The following FAM107B variants were observed in gnomAD, a reference collection of about 807,000 sequenced individuals.
The protein encoded by FAM107B is family with sequence similarity 107 member B.
In FAM107B, 21 loss-of-function variants were observed where a neutral mutation model predicts 31.5. The ratio of observed to expected loss-of-function variants is 0.67; its 90% CI spans 0.47 to 0.96. FAM107B has a LOEUF of 0.96. FAM107B is among the 40% of genes least tolerant of loss of function. The probability of loss-of-function intolerance (pLI) is 0.00; values close to 1 mark genes in which losing one functional copy is unlikely to be tolerated. For synonymous variants in FAM107B, 157 were observed against 141.5 expected (o/e 1.11, Z -0.78); for missense variants, 452 against 377.1 (o/e 1.20, Z -1.64).
At chr10:14,592,138 C>A (rs1201795780) in intron 2 of FAM107B, among the ~76,000 whole-genome samples, 1 of 152,182 alleles carries the variant, frequency 6.6e-6, no homozygotes. Context: ...CCCGTGCCAT[C>A]TGATTTCCCA....
At chr10:14,567,003 A>G (rs895004152) in intron 2 of FAM107B, among the ~76,000 whole-genome samples, 9 of 152,152 alleles carry the variant, frequency 5.9e-5, no homozygotes, top group Non-Finnish European at 1.3e-4. Context: ...ATACAAAAAA[A>G]TTAGCCAGGC....
rs528986532 is a variant in FAM107B, at chr10:14,756,391, A to C, written c.411+17862T>G. Among the ~76,000 whole-genome samples, 10 of 152,348 alleles carry C rather than the reference A, an allele frequency of 6.6e-5. 1 individual carries two copies. The highest frequency in any genetic ancestry group is 1.3e-4 in the Admixed American group (2 of 15,306). Reference sequence around the variant, plus strand: ...AAAGTATTTTGTAGATATGGTTAACATCTACAATCAGCTGACTTTAAATAA... The same window carrying C: ...AAAGTATTTTGTAGATATGGTTAACCTCTACAATCAGCTGACTTTAAATAA... On this transcript the variant is annotated intron_variant, in intron 1 of 4. Coordinates refer to ENST00000181796, the MANE Select transcript of FAM107B (RefSeq NM_031453.4).
intron 3 of FAM107B, among the ~76,000 whole-genome samples, chr10:14,529,359 A>C (rs1201382373): frequency 6.6e-6 from 1 of 152,184 alleles, no homozygotes; most frequent in East Asian, 1.9e-4. Context: ...CTCTAGAGGG[A>C]GAAACGTATT....
chr10:14,646,787 T>TC (rs938787026), intron 2 of FAM107B, among the ~76,000 whole-genome samples: 1 of 102,416 alleles, frequency 9.8e-6, no homozygotes, highest in Admixed American at 1.2e-4. Context: ...TTCCATTTTC[T>TC]CCTTTTTTTT....
intron 2 of FAM107B, among the ~76,000 whole-genome samples, chr10:14,660,685 C>T (rs921235693): frequency 1.3e-5 from 2 of 152,148 alleles, no homozygotes; most frequent in African/African-American, 4.8e-5. Flanking sequence ...TTGTATATTG[C>T]ATGTGGTATA....
chr10:14,675,020 C>T (rs184946190), intron 1 of FAM107B, among the ~76,000 whole-genome samples: 38 of 152,302 alleles, frequency 2.5e-4, no homozygotes, highest in African/African-American at 8.4e-4. Context: ...CTTCTCTGCA[C>T]TGATTTAAGC....
chr10:14,572,071 T>A (rs1438198278), intron 2 of FAM107B: 1 of 985,290 alleles, frequency 1.0e-6, no homozygotes, highest in Non-Finnish European at 1.2e-6. Context: ...AGAACTCTCT[T>A]TCTGGATATC....
chr10:14,746,231 G>A (rs1229448371), intron 1 of FAM107B, among the ~76,000 whole-genome samples: 1 of 152,060 alleles, frequency 6.6e-6, no homozygotes, highest in Non-Finnish European at 1.5e-5. Flanking sequence ...CACACCAATG[G>A]GTTTTGACTC....
At chr10:14,536,693 A>G (rs1847645541) in intron 2 of FAM107B, among the ~76,000 whole-genome samples, 1 of 152,170 alleles carries the variant, frequency 6.6e-6, no homozygotes, top group South Asian at 2.1e-4. Context: ...TGTGGCCACC[A>G]ACCTGGTGCA....
intron 2 of FAM107B, chr10:14,652,786 C>T (rs547449354): frequency 1.2e-4 from 19 of 152,076 alleles, no homozygotes; most frequent in Non-Finnish European, 1.8e-4. Context: ...AATCAAATAC[C>T]GCAGCTGGAC....
intron 2 of FAM107B, among the ~76,000 whole-genome samples, chr10:14,598,107 T>C (rs1257820786): frequency 6.6e-6 from 1 of 152,230 alleles, no homozygotes; most frequent in Non-Finnish European, 1.5e-5. Context: ...TGCCAACATT[T>C]TTCCCCATTC....
intron 1 of FAM107B, among the ~76,000 whole-genome samples, chr10:14,769,403 T>C (rs944727993): frequency 2.6e-5 from 4 of 152,120 alleles, no homozygotes; most frequent in Non-Finnish European, 5.9e-5. Flanking sequence ...TTTCTTTTTT[T>C]AGACGGAGTC....
At chr10:14,545,773 T>C (rs1848637986) in intron 2 of FAM107B, among the ~76,000 whole-genome samples, 1 of 152,252 alleles carries the variant, frequency 6.6e-6, no homozygotes, top group African/African-American at 2.4e-5. Context: ...TAAAATAAAG[T>C]TATCACACTT....
In FAM107B at chr10:14,520,066, TCAGA is replaced by T. The variant is rs1427000392; in HGVS notation, c.*1120_*1123del. 6.6e-6 allele frequency: 1 copy of T among 152,526 alleles called. No homozygotes were observed. Among genetic ancestry groups the T allele is most frequent in the Non-Finnish European group, 1.5e-5 (1 of 68,008 alleles). 9.4% of individuals were successfully genotyped at this position (152,526 alleles called of 1,614,324 possible). A position where few individuals can be genotyped will look rare whatever the true frequency, so the allele number is the denominator to read the frequency against. On this transcript the variant is annotated 3_prime_UTR_variant, in exon 5 of 5. Transcript: ENST00000181796. Reference sequence around the variant, plus strand: ...TCATCCTTATCAACAGCATCATCACTCAGACAGTGGTGAAAGTCTTTCTTCACAA... The same window carrying T: ...TCATCCTTATCAACAGCATCATCACTCAGTGGTGAAAGTCTTTCTTCACAA...
intron 3 of FAM107B, among the ~76,000 whole-genome samples, chr10:14,525,355 T>G (rs760499107): frequency 6.6e-6 from 1 of 152,226 alleles, no homozygotes. Context: ...CTGTGACTAC[T>G]GAAGCGGGCA....
At chr10:14,570,098 T>C (rs1437395187) in intron 2 of FAM107B, among the ~76,000 whole-genome samples, 1 of 152,202 alleles carries the variant, frequency 6.6e-6, no homozygotes, top group East Asian at 1.9e-4. Flanking sequence ...TTATCATTGC[T>C]ACAGAAAAAA....
intron 1 of FAM107B, among the ~76,000 whole-genome samples, chr10:14,756,325 A>T (rs1832930452): frequency 6.6e-6 from 1 of 152,202 alleles, no homozygotes; most frequent in Non-Finnish European, 1.5e-5. Flanking sequence ...AGGGCACAGT[A>T]CCTAGGTATT....
chr10:14,564,310 G>A (rs1380983358), intron 2 of FAM107B, among the ~76,000 whole-genome samples: 1 of 151,986 alleles, frequency 6.6e-6, no homozygotes, highest in Non-Finnish European at 1.5e-5. Flanking sequence ...ATCAGCGGCA[G>A]CTTTCTTGGG....
At chr10:14,752,555 G>A (rs1832851110) in intron 1 of FAM107B, among the ~76,000 whole-genome samples, 2 of 152,182 alleles carry the variant, frequency 1.3e-5, no homozygotes, top group South Asian at 2.1e-4. Context: ...AGTGAACCAC[G>A]CTGTGGAGTT....
Sources: gnomAD v4.1 joint callset for allele counts (sites outside exome capture counted in the v4.1 genomes callset) on GRCh38, gnomAD v4.1.1 for gene constraint, MANE v1.5 for transcripts, NCBI Gene and HGNC (gene_info 2026-07-23, HGNC 2026-07-21) for gene names.